GRAMD1B: variants seen among roughly 807,000 people sequenced by gnomAD.
The protein encoded by GRAMD1B is GRAM domain containing 1B.
A neutral mutation model predicts 99.7 loss-of-function variants in GRAMD1B; 37 were observed. The observed-to-expected ratio is 0.37, with a 90% CI of 0.29 to 0.49. GRAMD1B has a LOEUF of 0.49. GRAMD1B is among the 20% of genes least tolerant of loss of function. The probability of loss-of-function intolerance (pLI) is 0.98; values close to 1 mark genes in which losing one functional copy is unlikely to be tolerated. For synonymous variants in GRAMD1B, 427 were observed against 387.6 expected (o/e 1.10, Z -1.19); for missense variants, 888 against 1,009.2 (o/e 0.88, Z 1.63).
At chr11:123,399,203 G>A (rs1947570937) in intron 1 of GRAMD1B, among the ~76,000 whole-genome samples, 1 of 152,034 alleles carries the variant, frequency 6.6e-6, no homozygotes, top group Non-Finnish European at 1.5e-5. Context: ...TCTGTGCCTG[G>A]CTTATTTCAC....
chr11:123,436,836 T>G (rs1257502345), intron 1 of GRAMD1B, among the ~76,000 whole-genome samples: 1 of 152,166 alleles, frequency 6.6e-6, no homozygotes, highest in Admixed American at 6.5e-5. Context: ...ATGTGCCATG[T>G]TGGTGTGCTG....
chr11:123,622,560 T>C lies in GRAMD1B; in HGVS notation c.2599T>C (p.Ser867Pro). ...CGGCATCAGGTCCCGCGACTACACG[T>C]CGGAAAGTGAAGAAAAGAGGAATCG... ...QNGIRSRDYT[S>P]ESEEKRNRYH Residue 867 changes from serine to proline, a missense_variant, in exon 20 of 20, where the codon TCG becomes CCG. Around this residue, in one of 5 missense-constraint regions of GRAMD1B, gnomAD observed 232 missense variants for 261.7 expected, o/e 0.89. Coordinates refer to ENST00000635736, the MANE Select transcript of GRAMD1B (RefSeq NM_001387025.1). 6.4e-7 allele frequency: 1 copy of C among 1,557,662 alleles called. No homozygotes were observed. Among genetic ancestry groups the C allele is most frequent in the Non-Finnish European group, 8.7e-7 (1 of 1,150,626 alleles).
chr11:123,466,693 G>T (rs1163313454), intron 1 of GRAMD1B, among the ~76,000 whole-genome samples: 1 of 152,194 alleles, frequency 6.6e-6, no homozygotes. Flanking sequence ...TGGTGCGTGT[G>T]TGGAGAGTGG....
At chr11:123,608,915 C>CT (rs2136920783) in intron 12 of GRAMD1B, 113 bp downstream of exon 12, 1 of 767,994 alleles carries the variant, frequency 1.3e-6, no homozygotes, top group Admixed American at 2.7e-5. Context: ...CCCTCCTTCC[C>CT]TCGGCCACCT....
intron 1 of GRAMD1B, among the ~76,000 whole-genome samples, chr11:123,415,110 T>G (rs1281241511): frequency 0.011 from 1,462 of 134,326 alleles, 21 homozygotes; most frequent in African/African-American, 0.039. Flanking sequence ...TTTTTTTTTT[T>G]TTTTTTTTTT....
intron 2 of GRAMD1B, among the ~76,000 whole-genome samples, chr11:123,527,250 G>A (rs73027922): frequency 0.028 from 4,262 of 152,224 alleles, 78 homozygotes; most frequent in South Asian, 0.074. Flanking sequence ...GGTGTTGAGC[G>A]ATTTGAGGCA....
At chr11:123,572,521 T>G (rs568680691) in intron 2 of GRAMD1B, among the ~76,000 whole-genome samples, 1 of 152,324 alleles carries the variant, frequency 6.6e-6, no homozygotes, top group East Asian at 1.9e-4. Context: ...TCTAGCAAGT[T>G]TAGTGCTGAC....
Position 123,393,147 on chromosome 11 carries a change from C to T in GRAMD1B, c.-176+34348C>T, listed in dbSNP as rs1453021208. Among the ~76,000 whole-genome samples the T allele has an allele frequency of 2.0e-5, 3 of 152,096 alleles. No individual in the cohort carries two copies. The East Asian group carries it at 5.8e-4, about 29-fold the overall frequency. On this transcript the variant is annotated intron_variant, in intron 1 of 20. Transcript: ENST00000638157. ...GGGACATTGAAGATCATTAGTCAGG[C>T]CTGGGTATTTTACAGATGAGGAAAT...
At chr11:123,412,905 C>T (rs1948102009) in intron 1 of GRAMD1B, among the ~76,000 whole-genome samples, 1 of 152,120 alleles carries the variant, frequency 6.6e-6, no homozygotes. Flanking sequence ...TCTCAGCCTC[C>T]CGAGTAGCTG....
Position 123,612,843 on chromosome 11 carries a change from G to A in GRAMD1B, c.2002G>A (p.Glu668Lys). The A allele has an allele frequency of 1.2e-6, 2 of 1,605,296 alleles. No homozygotes were observed. Among genetic ancestry groups the A allele is most frequent in the Non-Finnish European group, 1.7e-6 (2 of 1,172,368 alleles). The change falls in exon 15 of 20, where the codon GAG (glutamate) becomes AAG (lysine). Residue 668 changes from glutamate (E) to lysine (K), a missense_variant. Physicochemically the swap from Glu to Lys is moderately conservative, Grantham distance 56 (BLOSUM62 1). This residue lies in a region of GRAMD1B where 92 missense variants were observed against 156.9 expected (regional missense o/e 0.59). Coordinates refer to ENST00000635736, the MANE Select transcript of GRAMD1B (RefSeq NM_001387025.1). ...CGAGAAGAACTTCTGGAGTGGGCTG[G>A]AGGACTACTTCCGCCATTTAGGTGA... ...FIEKNFWSGL[E>K]DYFRHLESEL... is the part of the protein sequence containing the mutation.
chr11:123,457,786 G>A (rs186128092), intron 1 of GRAMD1B, among the ~76,000 whole-genome samples: 144 of 152,270 alleles, frequency 9.5e-4, no homozygotes, highest in African/African-American at 3.1e-3. Context: ...GTGCAATCAC[G>A]CTTACTGCAG....
chr11:123,360,809 TTCC>T (rs1946119811), intron 1 of GRAMD1B, among the ~76,000 whole-genome samples: 2 of 144,992 alleles, frequency 1.4e-5, no homozygotes, highest in South Asian at 4.7e-4. Context: ...CCTTCCTTCC[TTCC>T]TTCCTTCCTT....
intron 1 of GRAMD1B, among the ~76,000 whole-genome samples, chr11:123,392,429 G>A (rs1947314400): frequency 6.6e-6 from 1 of 151,518 alleles, no homozygotes; most frequent in Admixed American, 6.6e-5. Context: ...CCTGGGCAGA[G>A]CACAGAGAAA....
intron 2 of GRAMD1B, among the ~76,000 whole-genome samples, chr11:123,540,769 T>C (rs1258825560): frequency 6.6e-6 from 1 of 152,138 alleles, no homozygotes; most frequent in Non-Finnish European, 1.5e-5. Flanking sequence ...ACACATACAT[T>C]TAAGTCATCC....
intron 2 of GRAMD1B, among the ~76,000 whole-genome samples, chr11:123,502,714 G>T (rs2135184726): frequency 6.7e-6 from 1 of 148,216 alleles, no homozygotes; most frequent in South Asian, 2.1e-4. Context: ...GGCGGAGGTT[G>T]CAGTGAGCTG....
At chr11:123,531,230 T>A (rs1320439021) in intron 2 of GRAMD1B, among the ~76,000 whole-genome samples, 1 of 152,206 alleles carries the variant, frequency 6.6e-6, no homozygotes, top group Non-Finnish European at 1.5e-5. Context: ...TCCAGGACAC[T>A]GAGCGCTGGT....
intron 1 of GRAMD1B, among the ~76,000 whole-genome samples, chr11:123,401,894 C>A (rs542368508): frequency 8.1e-4 from 123 of 152,060 alleles, no homozygotes; most frequent in African/African-American, 2.8e-3. Flanking sequence ...GGTGACAGAG[C>A]AAGACCCTGT....
chr11:123,387,351 G>T (rs1381560642), intron 1 of GRAMD1B, among the ~76,000 whole-genome samples: 1 of 152,158 alleles, frequency 6.6e-6, no homozygotes, highest in Admixed American at 6.5e-5. Context: ...AAGGCAGCGT[G>T]TTTGCTGACA....
At chr11:123,437,724 G>C (rs994185853) in intron 1 of GRAMD1B, among the ~76,000 whole-genome samples, 2 of 152,188 alleles carry the variant, frequency 1.3e-5, no homozygotes, top group Non-Finnish European at 2.9e-5. Flanking sequence ...CATCTCTCTG[G>C]TGCCAGCCTA....
Sources: allele counts gnomAD v4.1 joint callset (sites outside exome capture counted in the v4.1 genomes callset), GRCh38; gene constraint gnomAD v4.1.1; regional missense constraint gnomAD v4.1.1; transcripts MANE v1.5; gene names NCBI Gene and HGNC (gene_info 2026-07-23, HGNC 2026-07-21).